The following VPS8 variants were observed in gnomAD, a reference collection of about 807,000 sequenced individuals.
The protein encoded by VPS8 is VPS8 subunit of CORVET complex, also known as vacuolar protein sorting-associated protein 8 homolog.
In VPS8, 129 loss-of-function variants were observed where a neutral mutation model predicts 216.4. The ratio of observed to expected loss-of-function variants is 0.60; its 90% CI spans 0.52 to 0.69. VPS8 has a LOEUF of 0.69. Among genes scored for constraint, VPS8 ranks in the 30% least tolerant of loss-of-function variants. The pLI, the probability that VPS8 is intolerant of heterozygous loss-of-function variation, is 0.00. For missense variants in VPS8, 1,531 were observed against 1,683.5 expected, an observed-to-expected ratio of 0.91 and a Z score of 1.59; for synonymous variants, 571 against 565.4, an observed-to-expected ratio of 1.01 and a Z score of -0.14.
chr3:184,839,426 T>G, intron 6 of VPS8: 1 of 353,160 alleles, frequency 2.8e-6, no homozygotes, highest in Non-Finnish European at 5.1e-6. Flanking sequence ...GAAAGTTGCT[T>G]TAGAGGAAGC....
intron 36 of VPS8, among the ~76,000 whole-genome samples, 176 bp from the exon 37 acceptor site, chr3:184,957,193 TATGTA>T (rs1745751508): frequency 6.6e-6 from 1 of 152,256 alleles, no homozygotes; most frequent in African/African-American, 2.4e-5. Flanking sequence ...CAATGCCTCT[TATGTA>T]ATGTACAGTT....
intron 45 of VPS8, among the ~76,000 whole-genome samples, chr3:185,020,452 A>C (rs1413156267): frequency 1.3e-5 from 2 of 150,168 alleles, no homozygotes; most frequent in African/African-American, 4.9e-5. Flanking sequence ...TTTCTTTTGT[A>C]ATCAGTAAAA....
chr3:185,040,722 A>G (rs1561238813), intron 46 of VPS8, among the ~76,000 whole-genome samples: 1 of 152,154 alleles, frequency 6.6e-6, no homozygotes, highest in South Asian at 2.1e-4. Context: ...ATTCACAGCT[A>G]ACATACTGAT....
intron 5 of VPS8, among the ~76,000 whole-genome samples, chr3:184,837,192 CA>C: frequency 6.7e-6 from 1 of 149,444 alleles, no homozygotes; most frequent in Non-Finnish European, 1.5e-5. Context: ...GTAATCTCTA[CA>C]ATGCTTCCTA....
chr3:184,953,741 A>G (rs1745115368), intron 36 of VPS8, among the ~76,000 whole-genome samples: 1 of 152,146 alleles, frequency 6.6e-6, no homozygotes. Context: ...TTTCTTTGTT[A>G]TCAGGTTGCT....
chr3:185,042,346 A>G (rs1711843449), intron 46 of VPS8, among the ~76,000 whole-genome samples: 1 of 152,202 alleles, frequency 6.6e-6, no homozygotes, highest in Non-Finnish European at 1.5e-5. Flanking sequence ...CCCTTTCCCT[A>G]GTACATGCCC....
intron 36 of VPS8, among the ~76,000 whole-genome samples, chr3:184,952,537 G>C (rs148002361): frequency 0.53 from 80,567 of 151,972 alleles, 22,663 homozygotes; most frequent in Middle Eastern, 0.69. Flanking sequence ...AAAATAAGCA[G>C]TTCAAGGGAG....
chr3:184,982,566 G>C lies in VPS8; in HGVS notation c.3421G>C (p.Ala1141Pro). 6.2e-7 allele frequency: 1 copy of C among 1,609,788 alleles called. No individual in the cohort carries two copies. Among genetic ancestry groups the C allele is most frequent in the Non-Finnish European group, 8.5e-7 (1 of 1,177,952 alleles). Residue 1141 changes from alanine to proline, a missense_variant and splice_region_variant, in exon 41 of 48, where the codon GCA (alanine) becomes CCA (proline). Around this residue, in one of 3 missense-constraint regions of VPS8, gnomAD observed 1,318 missense variants for 1,468.4 expected, o/e 0.90. Transcript: ENST00000625842. ...TCTTTGATTTTCTCTGACATTATAG[G>C]CACTTTGGTTTCCGTTATTGGAGGC... ...SHNLNQQQRE[A>P]LWFPLLEAMM... is the part of the protein sequence containing the mutation.
chr3:184,952,107 A>G (rs1193543783), intron 36 of VPS8, among the ~76,000 whole-genome samples: 2 of 152,226 alleles, frequency 1.3e-5, no homozygotes, highest in Non-Finnish European at 2.9e-5. Flanking sequence ...TAAATGAAAT[A>G]CCAACAATGT....
intron 22 of VPS8, among the ~76,000 whole-genome samples, chr3:184,887,178 A>G (rs1415917919): frequency 6.6e-6 from 1 of 152,100 alleles, no homozygotes; most frequent in Non-Finnish European, 1.5e-5. Context: ...CCTTGTCTCT[A>G]CAAGTAAATT....
intron 25 of VPS8, among the ~76,000 whole-genome samples, chr3:184,911,319 T>TA (rs1160991536): frequency 6.6e-6 from 1 of 152,202 alleles, no homozygotes; most frequent in Non-Finnish European, 1.5e-5. Context: ...GTTAAACAAA[T>TA]ACGTTTAGCT....
intron 45 of VPS8, among the ~76,000 whole-genome samples, chr3:185,010,124 G>A (rs1754809540): frequency 6.6e-6 from 1 of 151,998 alleles, no homozygotes; most frequent in Non-Finnish European, 1.5e-5. Flanking sequence ...AGCATTGAGA[G>A]TACTAAGTAA....
Position 184,999,840 on chromosome 3 carries a change from G to A in VPS8, c.3981G>A (p.Lys1327=), listed in dbSNP as rs780202717. The A allele has an allele frequency of 8.7e-5, 140 of 1,611,374 alleles. No homozygotes were observed. The highest frequency in any genetic ancestry group is 1.2e-4 in the Non-Finnish European group (137 of 1,178,968). The change falls in exon 45 of 48, where the codon AAG becomes AAA. Residue 1327 remains lysine (K), a synonymous_variant. Transcript: ENST00000625842. ...KLSENSSEIK[K]GRITPSQVKM... ...GTGAAAATTCATCTGAAATTAAAAAGGGAAGGATAACCCCATCACAGGTAA... is the reference window on the plus strand; with the variant it reads ...GTGAAAATTCATCTGAAATTAAAAAAGGAAGGATAACCCCATCACAGGTAA...
chr3:184,898,538 G>A, intron 23 of VPS8, 27 bp from the exon 24 acceptor site: 1 of 1,513,036 alleles, frequency 6.6e-7, no homozygotes, highest in Non-Finnish European at 9.0e-7. Context: ...TGAATTGTAT[G>A]GACCAAGTGG....
At chr3:184,961,921 C>T (rs958495962) in intron 37 of VPS8, among the ~76,000 whole-genome samples, 18 of 152,176 alleles carry the variant, frequency 1.2e-4, no homozygotes, top group East Asian at 1.9e-4. Context: ...TGCACACCAC[C>T]GTGCTAATTT....
intron 24 of VPS8, 132 bp downstream of exon 24, chr3:184,898,786 A>G: frequency 2.9e-6 from 2 of 683,998 alleles, no homozygotes; most frequent in East Asian, 3.1e-5. Context: ...ATTGACCTTG[A>G]ACCCATTTTA....
chr3:184,922,690 T>C (rs1738844268), intron 29 of VPS8, among the ~76,000 whole-genome samples: 1 of 152,132 alleles, frequency 6.6e-6, no homozygotes, highest in Non-Finnish European at 1.5e-5. Flanking sequence ...GATGTGCTAA[T>C]TGGTTAAAGT....
chr3:184,944,041 GCA>G (rs57639626), intron 36 of VPS8, among the ~76,000 whole-genome samples: 70,942 of 149,810 alleles, frequency 0.47, 16,793 homozygotes, highest in Middle Eastern at 0.6. Flanking sequence ...GGCAGAGGTT[GCA>G]CACACACACA....
At chr3:184,979,895 G>A (rs1435194883) in intron 40 of VPS8, among the ~76,000 whole-genome samples, 1 of 152,220 alleles carries the variant, frequency 6.6e-6, no homozygotes, top group African/African-American at 2.4e-5. Context: ...TATGGCGTCA[G>A]TGGTCTATGT....
Sources: gnomAD v4.1 joint callset for allele counts (sites outside exome capture counted in the v4.1 genomes callset) on GRCh38, gnomAD v4.1.1 for gene constraint, gnomAD v4.1.1 regional missense constraint, MANE v1.5 for transcripts, NCBI Gene and HGNC (gene_info 2026-07-23, HGNC 2026-07-21) for gene names.